Variants in RO60 observed in about 807,000 individuals in gnomAD.
RO60 encodes the protein Ro60, Y RNA binding protein, also known as RNA-binding protein RO60.
Under a neutral mutation model 55.3 loss-of-function variants are expected in RO60, and 20 were observed. The observed-to-expected ratio is 0.36, with a 90% CI of 0.25 to 0.53. RO60 has a LOEUF of 0.53. Ranked by LOEUF, RO60 falls within the 20% of genes least tolerant of loss-of-function variation. The probability of loss-of-function intolerance (pLI) is 0.92; values close to 1 mark genes in which losing one functional copy is unlikely to be tolerated. For missense variants in RO60, 558 were observed against 646.6 expected, an observed-to-expected ratio of 0.86 and a Z score of 1.49; for synonymous variants, 213 against 213.6, an observed-to-expected ratio of 1.00 and a Z score of 0.02.
intron 5 of RO60, among the ~76,000 whole-genome samples, chr1:193,080,708 C>A (rs1207365729): frequency 6.6e-6 from 1 of 152,088 alleles, no homozygotes; most frequent in Non-Finnish European, 1.5e-5. Context: ...TTGATACATG[C>A]TACACCATGG....
chr1:193,077,156 G>C (rs1285424572), intron 5 of RO60, 106 bp downstream of exon 5: 1 of 1,147,204 alleles, frequency 8.7e-7, no homozygotes, highest in Non-Finnish European at 1.2e-6. Flanking sequence ...TTTTAATTAG[G>C]TATTCATTTG....
chr1:193,072,372 A>G (rs1673574892), intron 2 of RO60, among the ~76,000 whole-genome samples: 1 of 151,986 alleles, frequency 6.6e-6, no homozygotes, highest in South Asian at 2.1e-4. Flanking sequence ...TTCATATTAG[A>G]GGAGTTGATA....
In RO60 at chr1:193,089,049, G is replaced by A. The variant is rs1674746323; in HGVS notation, c.*4318G>A. ...AGATCATATTTTCTTTTTCAACTTA[G>A]TAATAGGCAGGCTTCTTGGAACAAT... On this transcript the variant is annotated 3_prime_UTR_variant, in exon 9 of 9. Coordinates refer to ENST00000400968, the MANE Select transcript of RO60 (RefSeq NM_001173524.2). 6.6e-6 allele frequency: 1 copy of A among 152,044 alleles called. No individual in the cohort carries two copies. 9.4% of individuals were successfully genotyped at this position (152,044 alleles called of 1,614,324 possible). A position where few individuals can be genotyped will look rare whatever the true frequency, so the allele number is the denominator to read the frequency against.
intron 4 of RO60, 108 bp downstream of exon 4, chr1:193,076,755 T>C (rs1251510111): frequency 7.4e-7 from 1 of 1,355,820 alleles, no homozygotes. Context: ...ATGTTCATTA[T>C]ACCAAATTGC....
chr1:193,067,245 G>A (rs1453110386), intron 1 of RO60, among the ~76,000 whole-genome samples: 2 of 148,416 alleles, frequency 1.3e-5, no homozygotes, highest in Non-Finnish European at 3.0e-5. Flanking sequence ...GAGTGCAGTG[G>A]CAGGATCTTG....
intron 8 of RO60, among the ~76,000 whole-genome samples, chr1:193,084,222 C>G (rs1233974419): frequency 6.6e-6 from 1 of 152,178 alleles, no homozygotes; most frequent in Non-Finnish European, 1.5e-5. Context: ...CTTATATATA[C>G]TCATACACAC....
Position 193,084,585 on chromosome 1 carries a change from G to C in RO60, c.1471G>C (p.Asp491His), listed in dbSNP as rs1183046257. 1.9e-6 allele frequency: 3 copies of C among 1,609,610 alleles called. No individual in the cohort carries two copies. In the Admixed American group the frequency reaches 5.1e-5, roughly 27 times the overall value. Residue 491 changes from aspartate to histidine, a missense_variant, in exon 9 of 9, where the codon GAT (aspartate) becomes CAT (histidine). By Grantham distance (81) the Asp-to-His change is moderately conservative (BLOSUM62 -1). Coordinates refer to ENST00000400968, the MANE Select transcript of RO60 (RefSeq NM_001173524.2). ...TTTTGGTCTTTTTCTACAGAAAATG[G>C]ATATTCCAGCTAAATTGATTGTTTG... ...IALREYRKKM[D>H]IPAKLIVCGM...
In RO60 at chr1:193,081,468, A is replaced by G; in HGVS notation, c.1191A>G (p.Ala397=). Residue 397 remains alanine, a synonymous_variant, in exon 6 of 9, where the codon GCA becomes GCG. Coordinates refer to ENST00000400968, the MANE Select transcript of RO60 (RefSeq NM_001173524.2). ...GSILNASTVA[A]AMCMVVTRTE... ...TACTCAACGCTAGTACAGTTGCTGC[A>G]GCAATGTGCATGGTGAGAACACCTA... 6.2e-7 allele frequency: 1 copy of G among 1,604,614 alleles called. No individual in the cohort carries two copies. Among genetic ancestry groups the G allele is most frequent in the Non-Finnish European group, 8.5e-7 (1 of 1,173,538 alleles).
chr1:193,060,256 G>T (rs568487906), intron 1 of RO60: 12 of 431,204 alleles, frequency 2.8e-5, no homozygotes, highest in Admixed American at 8.2e-5. Context: ...TAGTGGAAGG[G>T]GATGCGGTGC....
Position 193,088,471 on chromosome 1 carries a change from G to A in RO60, c.*3740G>A, listed in dbSNP as rs750673166. 3.8e-4 allele frequency: 58 copies of A among 151,910 alleles called. No individual in the cohort carries two copies. Among genetic ancestry groups the A allele is most frequent in the African/African-American group, 1.3e-3 (54 of 41,426 alleles). The allele number at this position is 151,910 out of a possible 1,614,324, so 9.4% of individuals were successfully genotyped here. A position where few individuals can be genotyped will look rare whatever the true frequency, so the allele number is the denominator to read the frequency against. On this transcript the variant is annotated 3_prime_UTR_variant, in exon 9 of 9. Coordinates refer to ENST00000400968, the MANE Select transcript of RO60 (RefSeq NM_001173524.2). ...GTAGGATTCTTGAATAAATCTGAAGGTCTCACAATTAAGTGAGAAACACCT... is the reference window on the plus strand; with the variant it reads ...GTAGGATTCTTGAATAAATCTGAAGATCTCACAATTAAGTGAGAAACACCT...
intron 1 of RO60, among the ~76,000 whole-genome samples, chr1:193,065,568 A>G (rs1673047423): frequency 6.6e-6 from 1 of 152,212 alleles, no homozygotes; most frequent in Admixed American, 6.5e-5. Flanking sequence ...AGATCAGAAA[A>G]ACATAACATT....
chr1:193,080,138 C>CA (rs909779217), intron 5 of RO60, among the ~76,000 whole-genome samples: 61 of 141,376 alleles, frequency 4.3e-4, no homozygotes, highest in South Asian at 2.0e-3. Context: ...TCTCAAAAAA[C>CA]AAAAAAAAAA....
chr1:193,078,038 T>C (rs1055342076), intron 5 of RO60, among the ~76,000 whole-genome samples: 1 of 152,036 alleles, frequency 6.6e-6, no homozygotes, highest in African/African-American at 2.4e-5. Flanking sequence ...AGCAGCAAAA[T>C]AGAAGGATTA....
At chr1:193,091,586 A>G, downstream of RO60, 15 of 1,292,316 alleles carry the variant, frequency 1.2e-5, no homozygotes, top group Non-Finnish European at 1.7e-5. Context: ...ATATTAATGT[A>G]TTACATTTGT....
chr1:193,073,078 C>A (rs933401503), intron 2 of RO60, among the ~76,000 whole-genome samples: 41 of 152,302 alleles, frequency 2.7e-4, no homozygotes, highest in African/African-American at 9.6e-4. Flanking sequence ...TGATTCAAGT[C>A]ATCAGGTATG....
At position 193,069,454 on chromosome 1, in the gene RO60, G is replaced by T; in HGVS notation, c.400G>T (p.Asp134Tyr). The T allele has an allele frequency of 1.2e-6, 2 of 1,614,226 alleles. No individual in the cohort carries two copies. Among genetic ancestry groups the T allele is most frequent in the African/African-American group, 2.7e-5 (2 of 75,058 alleles). The change falls in exon 2 of 9, where the codon GAT (aspartate) becomes TAT (tyrosine). Residue 134 changes from aspartate to tyrosine, a missense_variant. Coordinates refer to ENST00000400968, the MANE Select transcript of RO60 (RefSeq NM_001173524.2). Reference sequence around the variant, plus strand: ...CTTTACTTTTATCCAGTTTAAGAAAGATCTGAAGGAAAGCATGAAATGTGG... The same window carrying T: ...CTTTACTTTTATCCAGTTTAAGAAATATCTGAAGGAAAGCATGAAATGTGG... ...HLFTFIQFKKDLKESMKCGMW... is the reference protein window; with the variant it reads ...HLFTFIQFKKYLKESMKCGMW...
Position 193,089,021 on chromosome 1 carries a change from A to G in RO60, c.*4290A>G, listed in dbSNP as rs773977056. 1 of 152,154 alleles carries G rather than the reference A, an allele frequency of 6.6e-6. No homozygotes were observed. Among genetic ancestry groups the G allele is most frequent in the Admixed American group, 6.5e-5 (1 of 15,284 alleles). 9.4% of individuals were successfully genotyped at this position (152,154 alleles called of 1,614,324 possible). A position where few individuals can be genotyped will look rare whatever the true frequency, so the allele number is the denominator to read the frequency against. ...AGATTGCTTTTTGTTTCATACAAGT[A>G]TAAGATCATATTTTCTTTTTCAACT... On this transcript the variant is annotated 3_prime_UTR_variant, in exon 9 of 9. Coordinates refer to ENST00000400968, the MANE Select transcript of RO60 (RefSeq NM_001173524.2).
In RO60 at chr1:193,086,798, G is replaced by A. The variant is rs1311260374; in HGVS notation, c.*2067G>A. On this transcript the variant is annotated 3_prime_UTR_variant, in exon 9 of 9. Transcript: ENST00000400968. ...AGGTAGGTCTAATTAAATGGACTAG[G>A]GTAACATTTAAGAAAGAAAGGATAA... 1 of 151,998 alleles carries A rather than the reference G, an allele frequency of 6.6e-6. No individual in the cohort carries two copies. Among genetic ancestry groups the A allele is most frequent in the African/African-American group, 2.4e-5 (1 of 41,388 alleles). The allele number at this position is 151,998 out of a possible 1,614,324, so 9.4% of individuals were successfully genotyped here.
intron 1 of RO60, among the ~76,000 whole-genome samples, chr1:193,064,537 C>G (rs1048707819): frequency 2.0e-4 from 31 of 152,282 alleles, no homozygotes; most frequent in African/African-American, 6.3e-4. Context: ...AGGAGAGTAA[C>G]TTGGGACATG....
Sources: gnomAD v4.1 joint callset for allele counts (sites outside exome capture counted in the v4.1 genomes callset) on GRCh38, gnomAD v4.1.1 for gene constraint, MANE v1.5 for transcripts, NCBI Gene and HGNC (gene_info 2026-07-23, HGNC 2026-07-21) for gene names.